Variants in ZNF516 observed in about 807,000 individuals in gnomAD.
The protein encoded by ZNF516 is zinc finger protein 516.
ZNF516 carries 19 observed loss-of-function variants against 79.7 expected under a neutral mutation model. The ratio of observed to expected loss-of-function variants is 0.24; its 90% CI spans 0.17 to 0.35. The LOEUF (loss-of-function observed/expected upper bound fraction) is 0.35. Ranked by LOEUF, ZNF516 falls within the 10% of genes least tolerant of loss-of-function variation. The pLI is 1.00. For missense variants in ZNF516, 1,678 were observed against 1,679.5 expected (o/e 1.00, Z 0.02); for synonymous variants, 877 against 739.5 (o/e 1.19, Z -3.02).
At chr18:76,430,053 T>C (rs2075642961) in intron 3 of ZNF516, among the ~76,000 whole-genome samples, 1 of 152,210 alleles carries the variant, frequency 6.6e-6, no homozygotes, top group South Asian at 2.1e-4. Flanking sequence ...AATTGCTTTT[T>C]TCATACCTGA....
rs758624784 is a variant in ZNF516 at position 76,441,481 on chromosome 18, C to T, written c.1574G>A (p.Arg525His). 16 of 1,601,604 alleles carry T rather than the reference C, an allele frequency of 1.0e-5. No individual in the cohort carries two copies. The highest frequency in any genetic ancestry group is 1.7e-5 in the Admixed American group (1 of 59,050). The change falls in exon 3 of 7, where the codon CGC (arginine) becomes CAC (histidine). Residue 525 changes from arginine (R) to histidine (H), a missense_variant. This residue lies in a region of ZNF516 where 1,294 missense variants were observed against 1,248.3 expected (regional missense o/e 1.04). Transcript: ENST00000443185. ...SECFECGKIFRTYHQMVLHSR... is the reference protein window; with the variant it reads ...SECFECGKIFHTYHQMVLHSR... ...GTGCAGCACCATCTGATGATAGGTG[C>T]GGAAGATCTTGCCGCACTCGAAGCA...
At chr18:76,450,932 T>C (rs1050380467) in intron 2 of ZNF516, among the ~76,000 whole-genome samples, 1 of 152,180 alleles carries the variant, frequency 6.6e-6, no homozygotes, top group South Asian at 2.1e-4. Context: ...GTTGACCTTA[T>C]TAAAACCTTA....
chr18:76,441,260 G>A lies in ZNF516; in HGVS notation c.1795C>T (p.Pro599Ser), dbSNP rs753117510. 1.2e-6 allele frequency: 2 copies of A among 1,610,034 alleles called. No homozygotes were observed. Among genetic ancestry groups the A allele is most frequent in the South Asian group, 1.1e-5 (1 of 90,572 alleles). ...AAEDSGEEGA[P>S]EPAPGGQPRR... ...ACTTGCTCACCTGGTGCAGGTTCAG[G>A]GGCGCCCTCCTCACCACTGTCTTCG... Residue 599 changes from proline (P) to serine (S), a missense_variant, in exon 3 of 7, where the codon CCT becomes TCT. Pro to Ser is a moderately conservative substitution (Grantham distance 74, BLOSUM62 -1). This residue lies in a region of ZNF516 where 1,294 missense variants were observed against 1,248.3 expected (regional missense o/e 1.04). Transcript: ENST00000443185.
chr18:76,404,188 A>G (rs890602606), intron 3 of ZNF516, among the ~76,000 whole-genome samples: 17 of 152,254 alleles, frequency 1.1e-4, no homozygotes, highest in East Asian at 9.6e-4. Context: ...CCTCGGAAGC[A>G]GGTGGTCCCA....
chr18:76,366,305 A>C lies in ZNF516; in HGVS notation c.3433-3748T>G, dbSNP rs531432116. On this transcript the variant is annotated intron_variant, in intron 6 of 6. Transcript: ENST00000443185. ...GAATTTTCCAGTATAGAATATTCAA[A>C]TATTAATATGACAAAGTAAGGGCAG... Among the ~76,000 whole-genome samples the C allele has an allele frequency of 7.9e-5, 12 of 152,368 alleles. No individual in the cohort carries two copies. In the East Asian group the frequency reaches 2.3e-3, roughly 29 times the overall value.
intron 3 of ZNF516, among the ~76,000 whole-genome samples, chr18:76,435,727 C>T (rs1192223538): frequency 6.6e-6 from 1 of 152,226 alleles, no homozygotes; most frequent in Non-Finnish European, 1.5e-5. Flanking sequence ...AGGGTAAAGT[C>T]ACGGAGGATG....
intron 3 of ZNF516, among the ~76,000 whole-genome samples, chr18:76,436,743 A>C (rs980219694): frequency 6.6e-6 from 1 of 151,906 alleles, no homozygotes; most frequent in African/African-American, 2.4e-5. Context: ...CCGCTGGCCA[A>C]ATTCACCCTC....
At chr18:76,452,711 T>C (rs1227170961) in intron 2 of ZNF516, among the ~76,000 whole-genome samples, 1 of 152,172 alleles carries the variant, frequency 6.6e-6, no homozygotes, top group Admixed American at 6.5e-5. Context: ...AGTATCACAA[T>C]ATATTCTCGA....
rs1434733008 is a variant in ZNF516 at position 76,362,305 on chromosome 18, C to T, written c.*193G>A. On this transcript the variant is annotated 3_prime_UTR_variant, in exon 7 of 7. Coordinates refer to ENST00000443185, the MANE Select transcript of ZNF516 (RefSeq NM_014643.4). ...TATAGCATCTTCATTTATTTCTGAA[C>T]GTTTAACAAGGAGAGGCATCTGCCT... 7.4e-6 allele frequency: 4 copies of T among 540,194 alleles called. No individual in the cohort carries two copies. Among genetic ancestry groups the T allele is most frequent in the Non-Finnish European group, 1.4e-5 (4 of 293,956 alleles). 33.5% of individuals were successfully genotyped at this position (540,194 alleles called of 1,614,324 possible).
chr18:76,415,361 G>C, intron 3 of ZNF516, among the ~76,000 whole-genome samples: 1 of 152,244 alleles, frequency 6.6e-6, no homozygotes, highest in Non-Finnish European at 1.5e-5. Flanking sequence ...GCCTGGCACT[G>C]ACGGTTGTCA....
intron 4 of ZNF516, among the ~76,000 whole-genome samples, chr18:76,372,214 G>A (rs1415796808): frequency 6.6e-6 from 1 of 152,256 alleles, no homozygotes; most frequent in African/African-American, 2.4e-5. Flanking sequence ...CAAAGATCAT[G>A]CCACATCCCT....
rs75574030 is a variant in ZNF516 at position 76,362,210 on chromosome 18, A to G, written c.*288T>C. On this transcript the variant is annotated 3_prime_UTR_variant, in exon 7 of 7. Coordinates refer to ENST00000443185, the MANE Select transcript of ZNF516 (RefSeq NM_014643.4). ...GTGCCTGCCAGTACTACTGTTTATT[A>G]TAAGAAAATATGGGACTATGGACGA... The G allele has an allele frequency of 2.3e-5, 8 of 344,548 alleles. No homozygotes were observed. The highest frequency in any genetic ancestry group is 1.8e-4 in the East Asian group (4 of 22,108). The allele number at this position is 344,548 out of a possible 1,614,324, so 21.3% of individuals were successfully genotyped here.
intron 1 of ZNF516, among the ~76,000 whole-genome samples, chr18:76,477,277 G>C (rs2145760215): frequency 6.6e-6 from 1 of 152,240 alleles, no homozygotes; most frequent in East Asian, 1.9e-4. Flanking sequence ...AATATCATCT[G>C]ACCTATCAAA....
intron 3 of ZNF516, among the ~76,000 whole-genome samples, chr18:76,413,812 A>G (rs1190944827): frequency 6.6e-6 from 1 of 152,234 alleles, no homozygotes; most frequent in African/African-American, 2.4e-5. Flanking sequence ...AACAAGAAAA[A>G]TCTTCACGAA....
intron 3 of ZNF516, among the ~76,000 whole-genome samples, chr18:76,436,966 C>A (rs951286708): frequency 1.3e-5 from 2 of 151,866 alleles, no homozygotes; most frequent in African/African-American, 2.4e-5. Flanking sequence ...GCTCTGGAGG[C>A]TGAGGTGAAA....
chr18:76,365,028 A>AG (rs1345312843), intron 6 of ZNF516, among the ~76,000 whole-genome samples: 2 of 152,240 alleles, frequency 1.3e-5, no homozygotes, highest in Non-Finnish European at 2.9e-5. Flanking sequence ...TGTGATGCTG[A>AG]GACTCTGAAA....
rs1911791346 is a variant in ZNF516 at position 76,442,787 on chromosome 18, T to C, written c.268A>G (p.Ile90Val). The part of the protein sequence containing the change: ...HIRSHRTGTL[I>V]QGHEPEAGEA... Reference sequence around the variant, plus strand: ...CCCGCCTCCGGCTCGTGTCCCTGAATCAGAGTCCCCGTGCGGTGGCTCCGG... The same window carrying C: ...CCCGCCTCCGGCTCGTGTCCCTGAACCAGAGTCCCCGTGCGGTGGCTCCGG... Residue 90 changes from isoleucine to valine, a missense_variant, in exon 3 of 7, where the codon ATT becomes GTT. Coordinates refer to ENST00000443185, the MANE Select transcript of ZNF516 (RefSeq NM_014643.4). The C allele has an allele frequency of 6.2e-7, 1 of 1,606,002 alleles. No homozygotes were observed. The highest frequency in any genetic ancestry group is 1.3e-5 in the African/African-American group (1 of 74,762).
chr18:76,472,043 C>T lies in ZNF516; in HGVS notation c.-271-8902G>A, dbSNP rs114699443. 6.9e-3 allele frequency among the ~76,000 whole-genome samples: 1,052 copies of T among 152,346 alleles called. 18 individuals carry two copies. The highest frequency in any genetic ancestry group is 0.025 in the African/African-American group (1,026 of 41,574). On this transcript the variant is annotated intron_variant, in intron 1 of 6. Transcript: ENST00000443185. ...ACCAAGTCAGAATCACGGCACTCTG[C>T]TCCAGTTTCTCAGTCACAAATCTAG...
chr18:76,471,730 G>A (rs559087206), intron 1 of ZNF516, among the ~76,000 whole-genome samples: 6 of 152,156 alleles, frequency 3.9e-5, no homozygotes, highest in Non-Finnish European at 5.9e-5. Flanking sequence ...CCCAGGAGCC[G>A]GGTCCAGCAT....
Sources: gnomAD v4.1 joint callset for allele counts (sites outside exome capture counted in the v4.1 genomes callset) on GRCh38, gnomAD v4.1.1 for gene constraint, gnomAD v4.1.1 regional missense constraint, MANE v1.5 for transcripts, NCBI Gene and HGNC (gene_info 2026-07-23, HGNC 2026-07-21) for gene names.